The following FAM118B variants were observed in gnomAD, a reference collection of about 807,000 sequenced individuals.
The protein encoded by FAM118B is protein FAM118B.
In FAM118B, 24 loss-of-function variants were observed where a neutral mutation model predicts 38.5. The ratio of observed to expected loss-of-function variants is 0.62; its 90% CI spans 0.45 to 0.88. The LOEUF is 0.88. FAM118B is among the 40% of genes least tolerant of loss of function. The probability of loss-of-function intolerance (pLI) is 0.00; values close to 1 mark genes in which losing one functional copy is unlikely to be tolerated. For synonymous variants in FAM118B, 138 were observed against 156.3 expected, an observed-to-expected ratio of 0.88 and a Z score of 0.87; for missense variants, 334 against 420.0, an observed-to-expected ratio of 0.80 and a Z score of 1.79.
Position 126,256,220 on chromosome 11 carries a change from CACACCACT to C in FAM118B, c.697-342_697-335del, listed in dbSNP as rs1388997187. 6.6e-6 allele frequency among the ~76,000 whole-genome samples: 1 copy of C among 152,186 alleles called. No homozygotes were observed. The highest frequency in any genetic ancestry group is 1.5e-5 in the Non-Finnish European group (1 of 68,030). ...GGTGGAGGTTGCAGTAAGCCGAGGTCACACCACTACACTCTAGCCCAGGTGAAAGAGTG... is the reference window on the plus strand; with the variant it reads ...GGTGGAGGTTGCAGTAAGCCGAGGTCACACTCTAGCCCAGGTGAAAGAGTG... On this transcript the variant is annotated intron_variant, in intron 6 of 8. Coordinates refer to ENST00000533050, the MANE Select transcript of FAM118B (RefSeq NM_024556.4). This position sits in a 1 kb window ranked among gnomAD's most constrained non-coding sequence, Gnocchi z 6.6.
intron 1 of FAM118B, among the ~76,000 whole-genome samples, chr11:126,218,038 G>C (rs1950003697): frequency 6.6e-6 from 1 of 152,202 alleles, no homozygotes; most frequent in Non-Finnish European, 1.5e-5. Context: ...CAGCTGTTGT[G>C]CTGGCTTCTC....
rs1950577344 is a variant in FAM118B at position 126,256,229 on chromosome 11, ACACT to A, written c.697-336_697-333del. Among the ~76,000 whole-genome samples the A allele has an allele frequency of 6.6e-6, 1 of 152,212 alleles. No homozygotes were observed. Among genetic ancestry groups the A allele is most frequent in the South Asian group, 2.1e-4 (1 of 4,834 alleles). On this transcript the variant is annotated intron_variant, in intron 6 of 8. Transcript: ENST00000533050. This position sits in a 1 kb window ranked among gnomAD's most constrained non-coding sequence, Gnocchi z 6.6. ...TGCAGTAAGCCGAGGTCACACCACT[ACACT>A]CTAGCCCAGGTGAAAGAGTGAGACT...
chr11:126,235,111 A>C, intron 3 of FAM118B, 24 bp downstream of exon 3: 1 of 1,603,586 alleles, frequency 6.2e-7, no homozygotes, highest in East Asian at 2.2e-5. Context: ...GGGAATCAGC[A>C]GAGTAAATTA....
At position 126,211,826 on chromosome 11, in the gene FAM118B, A is replaced by G. The variant is rs534265326; in HGVS notation, c.-81A>G. 230 of 624,092 alleles carry G rather than the reference A, an allele frequency of 3.7e-4. No individual in the cohort carries two copies. The highest frequency in any genetic ancestry group is 1.3e-3 in the Admixed American group (44 of 32,856). The allele number at this position is 624,092 out of a possible 1,614,324, so 38.7% of individuals were successfully genotyped here. Reference sequence around the variant, plus strand: ...GCTGGAGCAGTGGCGTTTGGAGGAGACTCGGTGAGTGTGTAGGGAAGCCGG... The same window carrying G: ...GCTGGAGCAGTGGCGTTTGGAGGAGGCTCGGTGAGTGTGTAGGGAAGCCGG... On this transcript the variant is annotated 5_prime_UTR_variant, in exon 1 of 9. Coordinates refer to ENST00000533050, the MANE Select transcript of FAM118B (RefSeq NM_024556.4).
chr11:126,237,680 T>TAAAA (rs544480250), intron 3 of FAM118B, among the ~76,000 whole-genome samples: 1 of 85,908 alleles, frequency 1.2e-5, no homozygotes, highest in Non-Finnish European at 2.2e-5. Context: ...CTGTCTCTAC[T>TAAAA]AAAAAAAAAA....
intron 1 of FAM118B, among the ~76,000 whole-genome samples, chr11:126,221,771 G>A (rs2080652866): frequency 6.6e-6 from 1 of 152,090 alleles, no homozygotes; most frequent in Admixed American, 6.5e-5. Context: ...CCCACTAGAG[G>A]GGAGGGAGGA....
Position 126,262,599 on chromosome 11 carries a change from TGTACA to T in FAM118B, c.*470_*474del, listed in dbSNP as rs1950724439. ...CTCTAGTTTTCTAGATCTTTTACAG[TGTACA>T]GTATTTTACATAACTAAGCTGTATT... On this transcript the variant is annotated 3_prime_UTR_variant, in exon 9 of 9. Transcript: ENST00000533050. 1 of 160,354 alleles carries T rather than the reference TGTACA, an allele frequency of 6.2e-6. No homozygotes were observed. The highest frequency in any genetic ancestry group is 1.4e-5 in the Non-Finnish European group (1 of 73,432). The allele number at this position is 160,354 out of a possible 1,614,324, so 9.9% of individuals were successfully genotyped here.
chr11:126,236,405 T>A (rs1950274859), intron 3 of FAM118B, among the ~76,000 whole-genome samples: 1 of 152,232 alleles, frequency 6.6e-6, no homozygotes, highest in Non-Finnish European at 1.5e-5. Flanking sequence ...CCTGCCAAAA[T>A]AGCCACTCTG....
chr11:126,231,751 C>A (rs1950209053), intron 2 of FAM118B, among the ~76,000 whole-genome samples: 1 of 152,176 alleles, frequency 6.6e-6, no homozygotes, highest in South Asian at 2.1e-4. Flanking sequence ...GTCTAGACAT[C>A]ATGAATTAAC....
chr11:126,243,910 A>AG (rs1183030348), intron 4 of FAM118B, among the ~76,000 whole-genome samples: 1 of 152,026 alleles, frequency 6.6e-6, no homozygotes, highest in African/African-American at 2.4e-5. Flanking sequence ...TCTCAAAAAA[A>AG]AAAAAAAAAG....
chr11:126,222,677 C>T (rs959110731), intron 1 of FAM118B, among the ~76,000 whole-genome samples: 25 of 152,170 alleles, frequency 1.6e-4, no homozygotes, highest in Admixed American at 1.6e-3. Flanking sequence ...ATACTACAAC[C>T]TTCCCAAATT....
rs915176600 is a variant in FAM118B, at chr11:126,250,571, G to A, written c.405G>A (p.Glu135=). The A allele has an allele frequency of 4.3e-6, 7 of 1,613,982 alleles. No homozygotes were observed. The highest frequency in any genetic ancestry group is 5.9e-6 in the Non-Finnish European group (7 of 1,179,988). ...DCLYEVFDDL[E]SKMEDSGKQL... is the part of the protein sequence containing the mutation. ...TATATGAAGTATTTGATGACTTGGA[G>A]TCAAAGATGGAAGATTCTGGAAAAC... The change falls in exon 5 of 9, where the codon GAG becomes GAA. Residue 135 remains glutamate (E), a synonymous_variant. Transcript: ENST00000533050. This position sits in a 1 kb window ranked among gnomAD's most constrained non-coding sequence, Gnocchi z 5.1.
At chr11:126,261,310 A>C in intron 7 of FAM118B, 115 bp from the exon 8 acceptor site, 2 of 755,620 alleles carry the variant, frequency 2.6e-6, no homozygotes, top group Non-Finnish European at 4.4e-6. Context: ...TTCATTTCTA[A>C]ATGCCCATTC....
At chr11:126,212,904 G>A (rs970091289) in intron 1 of FAM118B, among the ~76,000 whole-genome samples, 4 of 152,122 alleles carry the variant, frequency 2.6e-5, no homozygotes, top group African/African-American at 9.7e-5. Context: ...GTGGAATTCT[G>A]GAAATGAATC....
chr11:126,246,571 C>T (rs939112384), intron 4 of FAM118B, among the ~76,000 whole-genome samples: 1 of 152,116 alleles, frequency 6.6e-6, no homozygotes, highest in African/African-American at 2.4e-5. Context: ...ATGTTAATAA[C>T]CCTGGGGCGG....
chr11:126,262,258 G>A lies in FAM118B; in HGVS notation c.*125G>A. Reference sequence around the variant, plus strand: ...AAAGTAACAATAGCCAGAGGTTGAAGGGCGGGGTAGAAGAGGGGGGAATGT... The same window carrying A: ...AAAGTAACAATAGCCAGAGGTTGAAAGGCGGGGTAGAAGAGGGGGGAATGT... On this transcript the variant is annotated 3_prime_UTR_variant, in exon 9 of 9. Transcript: ENST00000533050. 2 of 1,035,428 alleles carry A rather than the reference G, an allele frequency of 1.9e-6. No individual in the cohort carries two copies. Among genetic ancestry groups the A allele is most frequent in the South Asian group, 1.3e-5 (1 of 75,486 alleles). 64.1% of individuals were successfully genotyped at this position (1,035,428 alleles called of 1,614,324 possible).
intron 1 of FAM118B, among the ~76,000 whole-genome samples, chr11:126,227,596 C>G (rs1950159389): frequency 6.6e-6 from 1 of 152,060 alleles, no homozygotes; most frequent in South Asian, 2.1e-4. Flanking sequence ...CCTTTTAATT[C>G]TAAGAATAAC....
In FAM118B at chr11:126,262,144, G is replaced by T; in HGVS notation, c.*11G>T. 2 of 1,613,998 alleles carry T rather than the reference G, an allele frequency of 1.2e-6. No homozygotes were observed. The highest frequency in any genetic ancestry group is 1.7e-6 in the Non-Finnish European group (2 of 1,179,956). ...GGCTGTAGTACATGAGCGAGCTAGA[G>T]AAATCACCACCGTTTAGACCAAGCT... On this transcript the variant is annotated 3_prime_UTR_variant, in exon 9 of 9. Coordinates refer to ENST00000533050, the MANE Select transcript of FAM118B (RefSeq NM_024556.4).
At chr11:126,225,020 C>G (rs991120263) in intron 1 of FAM118B, among the ~76,000 whole-genome samples, 2 of 152,186 alleles carry the variant, frequency 1.3e-5, no homozygotes, top group African/African-American at 4.8e-5. Flanking sequence ...CAAACAAGAT[C>G]TCTTTTATGT....
Sources: allele counts gnomAD v4.1 joint callset (sites outside exome capture counted in the v4.1 genomes callset), GRCh38; gene constraint gnomAD v4.1.1; non-coding constraint Gnocchi (gnomAD v3.1); transcripts MANE v1.5; gene names NCBI Gene and HGNC (gene_info 2026-07-23, HGNC 2026-07-21).